HEMK2: variants seen among roughly 807,000 people sequenced by gnomAD.
HEMK2 encodes the protein methyltransferase HEMK2.
chr21:28,871,471 C>T, the HEMK2 span, among the ~76,000 whole-genome samples: 4 of 152,172 alleles, frequency 2.6e-5, no homozygotes, highest in Non-Finnish European at 5.9e-5. Flanking sequence ...TCACCTCTCA[C>T]CATGCACCTC....
At chr21:28,668,267 C>A in the HEMK2 span, among the ~76,000 whole-genome samples, 6 of 152,200 alleles carry the variant, frequency 3.9e-5, no homozygotes, top group African/African-American at 1.4e-4. Context: ...TATCTTTCAG[C>A]TTTTGCTGCA....
chr21:28,830,387 C>T, the HEMK2 span, among the ~76,000 whole-genome samples: 1 of 152,108 alleles, frequency 6.6e-6, no homozygotes, highest in Non-Finnish European at 1.5e-5. Context: ...CATGGTGAGA[C>T]GTGCTTGCTT....
At chr21:28,824,167 TG>T in the HEMK2 span, among the ~76,000 whole-genome samples, 1 of 152,190 alleles carries the variant, frequency 6.6e-6, no homozygotes, top group Non-Finnish European at 1.5e-5. Context: ...TCAGACCCTC[TG>T]GGGTAAGGGG....
At chr21:28,733,465 A>G in the HEMK2 span, among the ~76,000 whole-genome samples, 11 of 152,120 alleles carry the variant, frequency 7.2e-5, no homozygotes, top group African/African-American at 2.7e-4. Flanking sequence ...TAAACATCCA[A>G]TAACTGCCTC....
chr21:28,618,002 G>A, the HEMK2 span, among the ~76,000 whole-genome samples: 1 of 152,038 alleles, frequency 6.6e-6, no homozygotes, highest in African/African-American at 2.4e-5. Flanking sequence ...TGCCCAGGCT[G>A]GTCTCAAACC....
the HEMK2 span, among the ~76,000 whole-genome samples, chr21:28,799,351 G>A: frequency 6.6e-6 from 1 of 152,092 alleles, no homozygotes; most frequent in East Asian, 1.9e-4. Context: ...TCCCTATCAT[G>A]AGAACAGCAA....
chr21:28,808,286 T>C, the HEMK2 span, among the ~76,000 whole-genome samples: 4 of 152,146 alleles, frequency 2.6e-5, no homozygotes, highest in East Asian at 1.9e-4. Flanking sequence ...TTATAGTAAG[T>C]CTTGAAGTCA....
the HEMK2 span, among the ~76,000 whole-genome samples, chr21:28,702,974 C>A: frequency 6.6e-6 from 1 of 152,162 alleles, no homozygotes; most frequent in Non-Finnish European, 1.5e-5. Flanking sequence ...GAATACTACA[C>A]AGCCATAAAA....
the HEMK2 span, among the ~76,000 whole-genome samples, chr21:28,834,746 G>C: frequency 6.6e-6 from 1 of 152,142 alleles, no homozygotes; most frequent in East Asian, 1.9e-4. Context: ...GTAGACTGAG[G>C]CAGGTTTTCA....
At chr21:28,646,615 T>C in the HEMK2 span, among the ~76,000 whole-genome samples, 1 of 152,202 alleles carries the variant, frequency 6.6e-6, no homozygotes. Flanking sequence ...GATGGCCTTA[T>C]TTGGTATTTT....
At chr21:28,627,011 T>C in the HEMK2 span, among the ~76,000 whole-genome samples, 1 of 152,186 alleles carries the variant, frequency 6.6e-6, no homozygotes, top group Non-Finnish European at 1.5e-5. Context: ...GCTGAATGAA[T>C]ATGCCAATTG....
At chr21:28,697,865 C>G in the HEMK2 span, among the ~76,000 whole-genome samples, 2 of 148,160 alleles carry the variant, frequency 1.3e-5, no homozygotes, top group Admixed American at 1.4e-4. Context: ...AACAAACAGA[C>G]AACCATAGAC....
At chr21:28,692,494 C>A in the HEMK2 span, among the ~76,000 whole-genome samples, 1 of 151,970 alleles carries the variant, frequency 6.6e-6, no homozygotes, top group Non-Finnish European at 1.5e-5. Flanking sequence ...GAACAATATT[C>A]ATATTTTGAT....
At chr21:28,711,066 G>C in the HEMK2 span, among the ~76,000 whole-genome samples, 1 of 151,678 alleles carries the variant, frequency 6.6e-6, no homozygotes, top group Non-Finnish European at 1.5e-5. Flanking sequence ...ATAAATACTA[G>C]ATCCTGATTT....
the HEMK2 span, among the ~76,000 whole-genome samples, chr21:28,678,537 C>T: frequency 1.3e-5 from 2 of 152,134 alleles, no homozygotes; most frequent in African/African-American, 4.8e-5. Context: ...TCAGGAAATA[C>T]AGAGAACACC....
chr21:28,703,561 A>G, the HEMK2 span, among the ~76,000 whole-genome samples: 1 of 152,212 alleles, frequency 6.6e-6, no homozygotes, highest in South Asian at 2.1e-4. Context: ...TAAGAAGCTC[A>G]TGAGAGGAAC....
chr21:28,812,204 T>A, the HEMK2 span, among the ~76,000 whole-genome samples: 8 of 152,358 alleles, frequency 5.3e-5, no homozygotes, highest in East Asian at 1.5e-3. Context: ...GATAGTATAA[T>A]GGCATTCCCA....
chr21:28,826,730 A>C, the HEMK2 span, among the ~76,000 whole-genome samples: 1 of 152,230 alleles, frequency 6.6e-6, no homozygotes, highest in Non-Finnish European at 1.5e-5. Context: ...CCTCCCAGCA[A>C]CTAACTCCTG....
At chr21:28,729,716 T>A in the HEMK2 span, among the ~76,000 whole-genome samples, 40 of 152,112 alleles carry the variant, frequency 2.6e-4, no homozygotes, top group African/African-American at 9.7e-4. Context: ...TTAAAAGTTG[T>A]CCTGGGCCGC....
Sources: gnomAD v4.1 joint callset for allele counts (sites outside exome capture counted in the v4.1 genomes callset) on GRCh38, gnomAD v4.1.1 for gene constraint, MANE v1.5 for transcripts, NCBI Gene and HGNC (gene_info 2026-07-23, HGNC 2026-07-21) for gene names.